Variants in MAPK10 observed in about 807,000 individuals in gnomAD.
MAPK10 encodes mitogen-activated protein kinase 10.
MAPK10 carries 25 observed loss-of-function variants against 59.3 expected under a neutral mutation model. That is an observed-to-expected ratio of 0.42 (90% CI 0.31 to 0.59). The LOEUF (loss-of-function observed/expected upper bound fraction) is 0.59, where lower values mean the gene tolerates loss of function less well. MAPK10 is among the 20% of genes least tolerant of loss of function. The pLI is 0.15. For missense variants in MAPK10, 351 were observed against 568.9 expected (o/e 0.62, Z 3.90); for synonymous variants, 190 against 200.5 (o/e 0.95, Z 0.44).
upstream of MAPK10, among the ~76,000 whole-genome samples, chr4:86,361,158 A>G (rs887095183): frequency 6.6e-6 from 1 of 152,208 alleles, no homozygotes; most frequent in African/African-American, 2.4e-5. Flanking sequence ...CAAACTCAGC[A>G]GTACTGTAGA....
intron 4 of MAPK10, among the ~76,000 whole-genome samples, chr4:86,157,476 T>C (rs541741566): frequency 1.4e-4 from 22 of 151,994 alleles, no homozygotes; most frequent in Non-Finnish European, 2.5e-4. Flanking sequence ...AGATCTCAGA[T>C]ATGCCCAGTT....
intron 1 of MAPK10, among the ~76,000 whole-genome samples, chr4:86,503,334 C>T (rs1755469807): frequency 6.6e-6 from 1 of 152,060 alleles, no homozygotes; most frequent in Non-Finnish European, 1.5e-5. Flanking sequence ...ACTTCCAGCT[C>T]CCATACTTTT....
chr4:86,386,879 T>C (rs2149005596), intron 1 of MAPK10, among the ~76,000 whole-genome samples: 1 of 152,232 alleles, frequency 6.6e-6, no homozygotes, highest in African/African-American at 2.4e-5. Flanking sequence ...GAGATCAAGA[T>C]TGGGCTAGGA....
intron 2 of MAPK10, among the ~76,000 whole-genome samples, chr4:86,328,516 A>C (rs1564423174): frequency 1.3e-5 from 2 of 152,208 alleles, no homozygotes; most frequent in Non-Finnish European, 2.9e-5. Flanking sequence ...TACCCAAAGG[A>C]ATATAAATCA....
At chr4:86,135,325 A>G (rs553243747) in intron 4 of MAPK10, among the ~76,000 whole-genome samples, 413 of 152,292 alleles carry the variant, frequency 2.7e-3, no homozygotes, top group Non-Finnish European at 5.0e-3. Flanking sequence ...CTCCCAGCAT[A>G]CAGCTGGAGA....
At chr4:86,353,763 C>G (rs1039159612) in intron 2 of MAPK10, among the ~76,000 whole-genome samples, 1 of 152,088 alleles carries the variant, frequency 6.6e-6, no homozygotes, top group Non-Finnish European at 1.5e-5. Flanking sequence ...ATCACTAGCT[C>G]AAAATAGCTT....
chr4:86,040,832 TTAAAA>T, intron 11 of MAPK10: 1 of 151,910 alleles, frequency 6.6e-6, no homozygotes, highest in Admixed American at 6.6e-5. Context: ...AATCAAAATG[TTAAAA>T]TAAAATAAAA....
chr4:86,082,294 G>A (rs1263353855), intron 9 of MAPK10: 1 of 152,172 alleles, frequency 6.6e-6, no homozygotes, highest in Middle Eastern at 3.4e-3. Context: ...GCATATGTGT[G>A]TCTATTTATT....
At chr4:86,256,067 G>C (rs2093694158) in intron 2 of MAPK10, among the ~76,000 whole-genome samples, 1 of 152,200 alleles carries the variant, frequency 6.6e-6, no homozygotes, top group African/African-American at 2.4e-5. Context: ...ACAGGCACCA[G>C]ACAAGTTTCT....
At chr4:86,271,569 T>C (rs2094434370) in intron 2 of MAPK10, among the ~76,000 whole-genome samples, 1 of 151,930 alleles carries the variant, frequency 6.6e-6, no homozygotes, top group Non-Finnish European at 1.5e-5. Context: ...ATGATGCCTG[T>C]ATTAGTCCAC....
chr4:86,070,272 A>G (rs1473513751), intron 9 of MAPK10, among the ~76,000 whole-genome samples: 2 of 151,962 alleles, frequency 1.3e-5, no homozygotes, highest in Admixed American at 1.3e-4. Flanking sequence ...TATGGTAAGT[A>G]CTTGTTTTCT....
chr4:86,266,920 A>G (rs182133247), intron 2 of MAPK10, among the ~76,000 whole-genome samples: 3 of 152,002 alleles, frequency 2.0e-5, no homozygotes, highest in South Asian at 4.1e-4. Flanking sequence ...ATATGTATTT[A>G]TGTATTTTCT....
chr4:86,295,566 C>T (rs1350204106), intron 2 of MAPK10, among the ~76,000 whole-genome samples: 1 of 151,860 alleles, frequency 6.6e-6, no homozygotes, highest in Non-Finnish European at 1.5e-5. Flanking sequence ...ATAATAAATG[C>T]TTAAAGATTA....
At chr4:86,373,965 T>C (rs1310182647) in intron 1 of MAPK10, among the ~76,000 whole-genome samples, 1 of 152,174 alleles carries the variant, frequency 6.6e-6, no homozygotes, top group Non-Finnish European at 1.5e-5. Context: ...CGTATGTTTA[T>C]TGCAGCACTG....
At chr4:86,435,921 A>G (rs183380966) in intron 1 of MAPK10, among the ~76,000 whole-genome samples, 13 of 152,348 alleles carry the variant, frequency 8.5e-5, no homozygotes, top group African/African-American at 3.1e-4. Context: ...CATTGTGTAT[A>G]TTAAATCATA....
chr4:86,378,922 G>C (rs748138838), intron 1 of MAPK10, among the ~76,000 whole-genome samples: 3 of 152,184 alleles, frequency 2.0e-5, no homozygotes, highest in African/African-American at 7.2e-5. Flanking sequence ...GGTGAGAAAG[G>C]CTTCATGGAA....
intron 3 of MAPK10, among the ~76,000 whole-genome samples, chr4:86,172,713 TTAAAG>T (rs2074599054): frequency 1.3e-5 from 2 of 149,632 alleles, no homozygotes; most frequent in Admixed American, 6.7e-5. Flanking sequence ...ACCCTAAAAC[TTAAAG>T]TATAATAATA....
At chr4:86,213,429 A>T (rs1185558419) in intron 2 of MAPK10, among the ~76,000 whole-genome samples, 1 of 152,134 alleles carries the variant, frequency 6.6e-6, no homozygotes, top group African/African-American at 2.4e-5. Flanking sequence ...TTTTTTAAAA[A>T]GATTAACAAA....
intron 2 of MAPK10, among the ~76,000 whole-genome samples, chr4:86,269,614 T>A (rs533785013): frequency 6.6e-6 from 1 of 152,202 alleles, no homozygotes; most frequent in South Asian, 2.1e-4. Context: ...TTCACATTAT[T>A]TTTTCCTCCC....
Sources: gnomAD v4.1 joint callset for allele counts (sites outside exome capture counted in the v4.1 genomes callset) on GRCh38, gnomAD v4.1.1 for gene constraint, MANE v1.5 for transcripts, NCBI Gene and HGNC (gene_info 2026-07-23, HGNC 2026-07-21) for gene names.